The following NAV2 variants were observed in gnomAD, a reference collection of about 807,000 sequenced individuals.
The protein encoded by NAV2 is helicase, APC down-regulated 1.
Under a neutral mutation model 223.2 loss-of-function variants are expected in NAV2, and 54 were observed. The observed-to-expected ratio is 0.24, with a 90% CI of 0.19 to 0.30. The LOEUF (loss-of-function observed/expected upper bound fraction) is 0.30, where lower values mean the gene tolerates loss of function less well. NAV2 is among the 10% of genes least tolerant of loss of function. The pLI is 1.00. For missense variants in NAV2, 2,806 were observed against 3,147.5 expected (o/e 0.89, Z 2.60); for synonymous variants, 1,279 against 1,239.3 (o/e 1.03, Z -0.67).
intron 34 of NAV2, chr11:20,105,285 CTGTCTGTT>C: frequency 2.5e-6 from 1 of 393,292 alleles, no homozygotes; most frequent in South Asian, 5.3e-5. Flanking sequence ...GTTACATGAC[CTGTCTGTT>C]CCTCAGCATT....
At chr11:19,974,862 T>TA (rs34134086) in intron 10 of NAV2, among the ~76,000 whole-genome samples, 1 of 152,224 alleles carries the variant, frequency 6.6e-6, no homozygotes, top group Admixed American at 6.5e-5. Context: ...AATAATCTCT[T>TA]AAAAAGTAAA....
intron 6 of NAV2, among the ~76,000 whole-genome samples, chr11:19,911,153 G>T (rs559767587): frequency 5.9e-4 from 89 of 151,526 alleles, no homozygotes; most frequent in Non-Finnish European, 1.1e-3. Flanking sequence ...TGAAATCCCA[G>T]CATGTGCCAG....
chr11:19,930,655 CA>C (rs1210404930), intron 6 of NAV2, among the ~76,000 whole-genome samples: 7 of 152,190 alleles, frequency 4.6e-5, no homozygotes, highest in Non-Finnish European at 1.0e-4. Context: ...GTACCTAAAA[CA>C]GTATCTGACA....
intron 3 of NAV2, among the ~76,000 whole-genome samples, chr11:19,857,958 G>A (rs934190256): frequency 1.3e-5 from 2 of 152,168 alleles, no homozygotes; most frequent in African/African-American, 4.8e-5. Context: ...CCGGGTTCAT[G>A]CCATTCTCCT....
At chr11:19,909,176 A>G (rs961462403) in intron 6 of NAV2, among the ~76,000 whole-genome samples, 1 of 152,076 alleles carries the variant, frequency 6.6e-6, no homozygotes, top group Non-Finnish European at 1.5e-5. Flanking sequence ...AAGTATATTG[A>G]TTTTGCATCA....
intron 1 of NAV2, among the ~76,000 whole-genome samples, chr11:19,672,558 C>G (rs2135815935): frequency 6.6e-6 from 1 of 152,252 alleles, no homozygotes; most frequent in Non-Finnish European, 1.5e-5. Flanking sequence ...AGCCAGTGAG[C>G]CCCTGTAAAT....
chr11:19,629,750 G>GGGCCTCA (rs1461640600), intron 1 of NAV2, among the ~76,000 whole-genome samples: 2 of 152,206 alleles, frequency 1.3e-5, no homozygotes, highest in East Asian at 3.9e-4. Context: ...GGACCTGAAT[G>GGGCCTCA]GGCCTCAGTT....
rs533443670 is a variant in NAV2, at chr11:19,748,912, G to A, written c.267+34950G>A. On this transcript the variant is annotated intron_variant, in intron 1 of 37. Transcript: ENST00000349880. ...TAAAGATATTGACAGGCAGAGATAG[G>A]GAAGAACTTGCCCAAACCACAAGGC... Among the ~76,000 whole-genome samples the A allele has an allele frequency of 5.5e-4, 84 of 152,346 alleles. 2 individuals are homozygous for A. Among genetic ancestry groups the A allele is most frequent in the Admixed American group, 3.1e-3 (48 of 15,308 alleles).
intron 20 of NAV2, 77 bp downstream of exon 20, chr11:20,062,436 A>G (rs920766931): frequency 2.8e-6 from 3 of 1,088,478 alleles, no homozygotes; most frequent in African/African-American, 3.2e-5. Context: ...AGAATAAAAT[A>G]TATGCATTTA....
chr11:20,098,109 G>A (rs987012147), intron 31 of NAV2, among the ~76,000 whole-genome samples: 1 of 152,168 alleles, frequency 6.6e-6, no homozygotes, highest in Non-Finnish European at 1.5e-5. Context: ...ACCACGACTT[G>A]CAATAGGCTG....
intron 1 of NAV2, among the ~76,000 whole-genome samples, chr11:19,629,306 T>C (rs1458832734): frequency 6.6e-6 from 1 of 152,116 alleles, no homozygotes; most frequent in Non-Finnish European, 1.5e-5. Flanking sequence ...GTATTTCTCC[T>C]ATCCCTTCTG....
chr11:19,915,982 T>G (rs1376096540), intron 6 of NAV2, among the ~76,000 whole-genome samples: 1 of 152,226 alleles, frequency 6.6e-6, no homozygotes, highest in African/African-American at 2.4e-5. Flanking sequence ...GACAAGCTAC[T>G]TAGTCTCTTC....
intron 1 of NAV2, among the ~76,000 whole-genome samples, chr11:19,582,158 G>A (rs1350665150): frequency 6.6e-6 from 1 of 152,186 alleles, no homozygotes; most frequent in Non-Finnish European, 1.5e-5. Flanking sequence ...CTGCATAAAT[G>A]TCTTCTTTTG....
chr11:19,679,214 T>C (rs1283774044), intron 1 of NAV2, among the ~76,000 whole-genome samples: 2 of 152,148 alleles, frequency 1.3e-5, no homozygotes, highest in African/African-American at 4.8e-5. Flanking sequence ...GTGGATCACC[T>C]GACGTCAGGA....
chr11:19,427,797 A>G (rs1035087680), intron 1 of NAV2, among the ~76,000 whole-genome samples: 1 of 152,178 alleles, frequency 6.6e-6, no homozygotes, highest in Non-Finnish European at 1.5e-5. Flanking sequence ...CTCAAAAGCC[A>G]CTTGTATTTC....
intron 35 of NAV2, among the ~76,000 whole-genome samples, chr11:20,106,183 G>GTGTGTATA (rs1394737236): frequency 3.9e-5 from 1 of 25,522 alleles, no homozygotes; most frequent in Non-Finnish European, 9.5e-5. Context: ...ATATGTGTGT[G>GTGTGTATA]TATATATATA....
intron 1 of NAV2, among the ~76,000 whole-genome samples, chr11:19,728,249 A>G (rs779527158): frequency 2.8e-4 from 42 of 152,324 alleles, no homozygotes; most frequent in Middle Eastern, 6.8e-3. Context: ...CAAAAACATT[A>G]AGTTCTCTTT....
intron 8 of NAV2, among the ~76,000 whole-genome samples, chr11:19,944,185 A>G (rs536604874): frequency 6.6e-6 from 1 of 152,320 alleles, no homozygotes; most frequent in South Asian, 2.1e-4. Flanking sequence ...TGGGCGACAG[A>G]GCAAGACTCT....
chr11:19,972,417 A>AC (rs1187972316), intron 10 of NAV2, among the ~76,000 whole-genome samples: 1 of 152,018 alleles, frequency 6.6e-6, no homozygotes, highest in African/African-American at 2.4e-5. Flanking sequence ...TTAATCCTCT[A>AC]CCCTTGAAGG....
Sources: allele counts gnomAD v4.1 joint callset (sites outside exome capture counted in the v4.1 genomes callset), GRCh38; gene constraint gnomAD v4.1.1; transcripts MANE v1.5; gene names NCBI Gene and HGNC (gene_info 2026-07-23, HGNC 2026-07-21).